VWA8: variants seen among roughly 807,000 people sequenced by gnomAD.
VWA8 encodes the protein von Willebrand factor A domain-containing protein 8.
A neutral mutation model predicts 241.5 loss-of-function variants in VWA8; 221 were observed. The observed-to-expected ratio is 0.91, with a 90% CI of 0.82 to 1.02. The LOEUF is 1.02. VWA8 is among the 50% of genes least tolerant of loss of function. VWA8 has a pLI of 0.00. For missense variants in VWA8, 2,322 were observed against 2,328.7 expected (o/e 1.00, Z 0.06); for synonymous variants, 852 against 827.1 (o/e 1.03, Z -0.52).
intron 43 of VWA8, among the ~76,000 whole-genome samples, chr13:41,571,208 A>G (rs1030960842): frequency 6.6e-6 from 1 of 151,986 alleles, no homozygotes; most frequent in Non-Finnish European, 1.5e-5. Flanking sequence ...AATTGGGGAC[A>G]GGGAGCACTC....
chr13:41,960,227 ACTTTT>A (rs1308027141), intron 1 of VWA8, among the ~76,000 whole-genome samples: 1 of 152,216 alleles, frequency 6.6e-6, no homozygotes, highest in Non-Finnish European at 1.5e-5. Flanking sequence ...CCAGCGAATC[ACTTTT>A]CCCTTCTGGG....
intron 37 of VWA8, among the ~76,000 whole-genome samples, chr13:41,659,925 T>C (rs2044937282): frequency 1.3e-5 from 2 of 152,178 alleles, no homozygotes; most frequent in South Asian, 4.1e-4. Context: ...CATATGCTAT[T>C]TGTCAAAAAG....
intron 26 of VWA8, among the ~76,000 whole-genome samples, chr13:41,709,332 C>T (rs192661308): frequency 6.6e-5 from 10 of 152,302 alleles, no homozygotes; most frequent in African/African-American, 1.9e-4. Context: ...TTCATTGCCA[C>T]GGCCACAATG....
chr13:41,920,601 G>C (rs1566039595), intron 2 of VWA8, among the ~76,000 whole-genome samples: 1 of 152,086 alleles, frequency 6.6e-6, no homozygotes, highest in African/African-American at 2.4e-5. Context: ...AAATGATAAA[G>C]GGGATATTAC....
At chr13:41,710,827 C>T (rs572181940) in intron 26 of VWA8, among the ~76,000 whole-genome samples, 26 of 152,266 alleles carry the variant, frequency 1.7e-4, no homozygotes, top group Admixed American at 3.3e-4. Flanking sequence ...ATCTAATAAA[C>T]GTATTCCAAA....
chr13:41,719,425 T>A, intron 26 of VWA8, 166 bp downstream of exon 26: 1 of 1,450,910 alleles, frequency 6.9e-7, no homozygotes, highest in Admixed American at 3.0e-5. Flanking sequence ...GGCCTATAAA[T>A]AATGCTATTT....
At chr13:41,731,280 T>G (rs933286394) in intron 22 of VWA8, among the ~76,000 whole-genome samples, 2 of 152,070 alleles carry the variant, frequency 1.3e-5, no homozygotes, top group African/African-American at 2.4e-5. Flanking sequence ...GGGACATGCC[T>G]GGCAGGCTGA....
In VWA8 at chr13:41,699,170, A is replaced by G. The variant is rs2045233702; in HGVS notation, c.3465T>C (p.Asp1155=). 6.2e-7 allele frequency: 1 copy of G among 1,614,070 alleles called. No individual in the cohort carries two copies. Among genetic ancestry groups the G allele is most frequent in the Non-Finnish European group, 8.5e-7 (1 of 1,180,026 alleles). Residue 1155 remains aspartate (D), a synonymous_variant, in exon 29 of 45, where the codon GAT becomes GAC. Transcript: ENST00000379310. ...CGCCATTGGCTGTTCTTGGGAAGATATCAAAAAAGTCCACAAAGAAGCCAC... is the reference window on the plus strand; with the variant it reads ...CGCCATTGGCTGTTCTTGGGAAGATGTCAAAAAAGTCCACAAAGAAGCCAC... ...GKSGFFVDFF[D]IFPRTANGVW... is the part of the protein sequence containing the mutation.
rs1346269057 is a variant in VWA8, at chr13:41,614,741, G to A, written c.4720+235C>T. Among the ~76,000 whole-genome samples the A allele has an allele frequency of 2.0e-5, 3 of 152,208 alleles. No individual in the cohort carries two copies. The East Asian group carries it at 5.8e-4, about 29-fold the overall frequency. On this transcript the variant is annotated intron_variant, in intron 38 of 44. Coordinates refer to ENST00000379310, the MANE Select transcript of VWA8 (RefSeq NM_015058.2). ...TTTGACTGATGAAGCAACTCCAGGA[G>A]GGTCAGCATGTTCTTAGGTCACAGG...
At chr13:41,591,970 A>G (rs1216921510) in intron 40 of VWA8, among the ~76,000 whole-genome samples, 2 of 146,452 alleles carry the variant, frequency 1.4e-5, no homozygotes, top group Non-Finnish European at 3.0e-5. Flanking sequence ...TACTGGGTAT[A>G]TACCCAAAGG....
Position 41,885,021 on chromosome 13 carries a change from AAAAG to A in VWA8, c.975+895_975+898del, listed in dbSNP as rs1874455032. Among the ~76,000 whole-genome samples the A allele has an allele frequency of 4.6e-5, 7 of 152,254 alleles. No homozygotes were observed. In the South Asian group the frequency reaches 1.5e-3, roughly 32 times the overall value. On this transcript the variant is annotated intron_variant, in intron 8 of 44. Coordinates refer to ENST00000379310, the MANE Select transcript of VWA8 (RefSeq NM_015058.2). ...TCCACAGGGTCTCACTGAGTGTTACAAAAGCTTCCTAGTCATTCCCTCACTTCCA... is the reference window on the plus strand; with the variant it reads ...TCCACAGGGTCTCACTGAGTGTTACACTTCCTAGTCATTCCCTCACTTCCA...
Position 41,721,514 on chromosome 13 carries a change from G to C in VWA8, c.2820C>G (p.Leu940=). ...NPKPHSELEM[L]RQYGPNVPEP... ...CAGGCACATTTGGTCCATACTGTCT[G>C]AGCATCTCGAGCTCCGAGTGGGGTT... is the stretch of plus-strand genomic sequence containing the variant. The change falls in exon 25 of 45, where the codon CTC becomes CTG. Residue 940 remains leucine (L), a synonymous_variant. Transcript: ENST00000379310. 1.2e-6 allele frequency: 2 copies of C among 1,613,812 alleles called. No homozygotes were observed. Among genetic ancestry groups the C allele is most frequent in the Non-Finnish European group, 1.7e-6 (2 of 1,179,820 alleles).
rs778571126 is a variant in VWA8, at chr13:41,703,452, C to A, written c.3117-41G>T. 1.9e-6 allele frequency: 3 copies of A among 1,570,726 alleles called. No individual in the cohort carries two copies. In the South Asian group the frequency reaches 3.4e-5, roughly 18 times the overall value. Reference sequence around the variant, plus strand: ...TGCAAAGTAAATATTTCTTATTGTACCCAAGTCATAGAAAAAAATAACACG... The same window carrying A: ...TGCAAAGTAAATATTTCTTATTGTAACCAAGTCATAGAAAAAAATAACACG... On this transcript the variant is annotated intron_variant, in intron 26 of 44. Transcript: ENST00000379310.
At chr13:41,739,827 G>GTTTTTTTTTTTCTTTTTTTTTTT (rs779464048) in intron 21 of VWA8, among the ~76,000 whole-genome samples, 1 of 88,988 alleles carries the variant, frequency 1.1e-5, no homozygotes, top group Non-Finnish European at 2.6e-5. Flanking sequence ...TTGTTTTTTT[G>GTTTTTTTTTTTCTTTTTTTTTTT]TTTTTTTTTT....
At chr13:41,654,470 A>G (rs1227295987) in intron 37 of VWA8, among the ~76,000 whole-genome samples, 2 of 152,218 alleles carry the variant, frequency 1.3e-5, no homozygotes, top group East Asian at 3.8e-4. Context: ...GAATGGTTTC[A>G]GGATAAAACT....
intron 40 of VWA8, among the ~76,000 whole-genome samples, chr13:41,591,065 T>A (rs1007632420): frequency 1.3e-5 from 2 of 152,214 alleles, no homozygotes; most frequent in African/African-American, 2.4e-5. Context: ...TCTTACAGAT[T>A]TTCTGTCACG....
Position 41,761,203 on chromosome 13 carries a change from C to T in VWA8, c.2351G>A (p.Gly784Asp), listed in dbSNP as rs765888926. The change falls in exon 21 of 45, where the codon GGT becomes GAT. Residue 784 changes from glycine to aspartate, a missense_variant and splice_region_variant. Coordinates refer to ENST00000379310, the MANE Select transcript of VWA8 (RefSeq NM_015058.2). ...GEHLLLVGNQ[G>D]VGKNKIVDRF... ...GTCAACAATCTTGTTTTTTCCTACA[C>T]CCTGTAATTACACAGAAAACATTAA... 2 of 1,610,638 alleles carry T rather than the reference C, an allele frequency of 1.2e-6. No individual in the cohort carries two copies. The highest frequency in any genetic ancestry group is 1.1e-5 in the South Asian group (1 of 90,912).
intron 15 of VWA8, among the ~76,000 whole-genome samples, chr13:41,818,401 G>A (rs970180416): frequency 2.6e-5 from 4 of 151,440 alleles, no homozygotes; most frequent in South Asian, 2.1e-4. Flanking sequence ...GTGAAACCCC[G>A]TCTCTACTAA....
intron 43 of VWA8, among the ~76,000 whole-genome samples, chr13:41,571,647 G>A (rs1052445148): frequency 2.6e-5 from 4 of 152,222 alleles, no homozygotes. Flanking sequence ...CGCTCACTCA[G>A]TGCTCAACAT....
Sources: allele counts gnomAD v4.1 joint callset (sites outside exome capture counted in the v4.1 genomes callset), GRCh38; gene constraint gnomAD v4.1.1; transcripts MANE v1.5; gene names NCBI Gene and HGNC (gene_info 2026-07-23, HGNC 2026-07-21).